MAGI2: variants seen among roughly 807,000 people sequenced by gnomAD.
MAGI2 encodes the protein membrane associated guanylate kinase, WW and PDZ domain containing 2.
In MAGI2, 35 loss-of-function variants were observed where a neutral mutation model predicts 133.3. The ratio of observed to expected loss-of-function variants is 0.26; its 90% CI spans 0.20 to 0.35. MAGI2 has a LOEUF of 0.35. Among genes scored for constraint, MAGI2 ranks in the 10% least tolerant of loss-of-function variants. The pLI is 1.00. For synonymous variants in MAGI2, 729 were observed against 710.6 expected, an observed-to-expected ratio of 1.03 and a Z score of -0.41; for missense variants, 1,636 against 1,863.4, an observed-to-expected ratio of 0.88 and a Z score of 2.25.
intron 21 of MAGI2, among the ~76,000 whole-genome samples, chr7:78,054,060 C>T (rs1051094131): frequency 5.3e-5 from 8 of 152,056 alleles, no homozygotes; most frequent in Non-Finnish European, 8.8e-5. Context: ...GAAACCAGGC[C>T]TTTCAGTTAG....
At chr7:79,423,644 C>T (rs1464533660) in intron 1 of MAGI2, among the ~76,000 whole-genome samples, 1 of 151,916 alleles carries the variant, frequency 6.6e-6, no homozygotes, top group African/African-American at 2.4e-5. Context: ...GCAGGTTATG[C>T]CATTTCTTTC....
At chr7:79,429,673 TAG>T (rs1847642607) in intron 1 of MAGI2, among the ~76,000 whole-genome samples, 1 of 152,142 alleles carries the variant, frequency 6.6e-6, no homozygotes, top group Non-Finnish European at 1.5e-5. Flanking sequence ...CTACTTTCAA[TAG>T]AGTTTTGTGT....
At chr7:78,076,942 A>G (rs1815394157) in intron 21 of MAGI2, among the ~76,000 whole-genome samples, 1 of 139,950 alleles carries the variant, frequency 7.1e-6, no homozygotes. Flanking sequence ...ACATGTTTTT[A>G]TTTCTTCTTC....
intron 2 of MAGI2, among the ~76,000 whole-genome samples, chr7:78,754,795 T>G (rs2151286369): frequency 6.6e-6 from 1 of 152,322 alleles, no homozygotes; most frequent in African/African-American, 2.4e-5. Context: ...CCACTTCTGT[T>G]GACTAAGTCA....
rs767332496 is a variant in MAGI2, at chr7:79,399,095, C to CTTTTTTTTTTTTTTTTTTTTTTTTTT, written c.301+53924_301+53925insAAAAAAAAAAAAAAAAAAAAAAAAAA. The stretch of plus-strand genomic sequence containing the variant: ...GTATTATTTCTTTTTTTTTTCTTTT[C>CTTTTTTTTTTTTTTTTTTTTTTTTTT]TTTTTTTTTTTTTTTGGGAGATGGA... On this transcript the variant is annotated intron_variant, in intron 1 of 21. Transcript: ENST00000354212. 2.0e-3 allele frequency among the ~76,000 whole-genome samples: 210 copies of CTTTTTTTTTTTTTTTTTTTTTTTTTT among 106,164 alleles called. 10 individuals carry two copies. Among genetic ancestry groups the CTTTTTTTTTTTTTTTTTTTTTTTTTT allele is most frequent in the South Asian group, 7.9e-3 (22 of 2,798 alleles). The allele number at this position is 106,164 out of a possible 152,430, so 69.6% of individuals were successfully genotyped here.
chr7:78,721,356 G>A (rs753518622), intron 2 of MAGI2, among the ~76,000 whole-genome samples: 3 of 151,922 alleles, frequency 2.0e-5, no homozygotes, highest in Non-Finnish European at 2.9e-5. Flanking sequence ...GAGTGACTAA[G>A]GTAGCATAAG....
intron 6 of MAGI2, among the ~76,000 whole-genome samples, chr7:78,397,907 T>C (rs575266479): frequency 3.9e-5 from 6 of 152,302 alleles, no homozygotes; most frequent in African/African-American, 1.4e-4. Context: ...TTATTTCTAA[T>C]TTATAGAGTA....
At chr7:78,608,877 T>A (rs1806121475) in intron 3 of MAGI2, among the ~76,000 whole-genome samples, 1 of 152,202 alleles carries the variant, frequency 6.6e-6, no homozygotes, top group Non-Finnish European at 1.5e-5. Flanking sequence ...GGGGCAGAAC[T>A]AATAGAATGT....
chr7:78,257,790 T>G (rs943862542), intron 9 of MAGI2, among the ~76,000 whole-genome samples: 5 of 152,144 alleles, frequency 3.3e-5, no homozygotes, highest in Admixed American at 3.3e-4. Flanking sequence ...ATATTAGGGA[T>G]GAAGAGACAT....
intron 1 of MAGI2, among the ~76,000 whole-genome samples, chr7:79,206,166 G>A (rs2129552285): frequency 6.7e-6 from 1 of 148,566 alleles, no homozygotes; most frequent in African/African-American, 2.5e-5. Flanking sequence ...TGCATCATAA[G>A]AAACTAGAGA....
chr7:78,325,620 T>C (rs1470692863), intron 9 of MAGI2, among the ~76,000 whole-genome samples: 1 of 152,198 alleles, frequency 6.6e-6, no homozygotes, highest in African/African-American at 2.4e-5. Context: ...TCATGGTTGT[T>C]AGAGCTGACA....
chr7:78,687,263 A>G lies in MAGI2; in HGVS notation c.419-60024T>C, dbSNP rs573015670. The stretch of plus-strand genomic sequence containing the variant: ...ATACGATCAGGAGTATATAAACGCT[A>G]TATACCACATGACTCACCCCTCCTT... On this transcript the variant is annotated intron_variant, in intron 2 of 21. Coordinates refer to ENST00000354212, the MANE Select transcript of MAGI2 (RefSeq NM_012301.4). 3.3e-5 allele frequency among the ~76,000 whole-genome samples: 5 copies of G among 152,266 alleles called. No homozygotes were observed. The South Asian group carries it at 1.0e-3, about 32-fold the overall frequency.
chr7:78,106,525 G>A (rs911522744), intron 20 of MAGI2, among the ~76,000 whole-genome samples: 1 of 151,962 alleles, frequency 6.6e-6, no homozygotes. Flanking sequence ...ATTTGTTACT[G>A]CCTATCTTTT....
chr7:79,304,502 A>G (rs1837636749), intron 1 of MAGI2, among the ~76,000 whole-genome samples: 1 of 152,098 alleles, frequency 6.6e-6, no homozygotes, highest in African/African-American at 2.4e-5. Flanking sequence ...TATTCTTGGA[A>G]AAGCTCCGAT....
chr7:78,568,677 A>C (rs1302282915), intron 3 of MAGI2, among the ~76,000 whole-genome samples: 1 of 152,168 alleles, frequency 6.6e-6, no homozygotes, highest in Non-Finnish European at 1.5e-5. Context: ...CTCTGCTTCC[A>C]CTATCGTCCC....
intron 2 of MAGI2, among the ~76,000 whole-genome samples, chr7:78,666,519 C>A (rs1366975521): frequency 2.6e-5 from 4 of 152,080 alleles, no homozygotes; most frequent in African/African-American, 9.7e-5. Flanking sequence ...GGACCCAAGT[C>A]AAAATCTAGC....
intron 1 of MAGI2, among the ~76,000 whole-genome samples, chr7:79,297,707 T>C (rs1837049084): frequency 6.6e-6 from 1 of 152,202 alleles, no homozygotes; most frequent in South Asian, 2.1e-4. Context: ...ATATTATTGA[T>C]AGAGAATAAC....
At chr7:78,751,380 T>C (rs527462764) in intron 2 of MAGI2, among the ~76,000 whole-genome samples, 2 of 152,344 alleles carry the variant, frequency 1.3e-5, no homozygotes, top group African/African-American at 4.8e-5. Flanking sequence ...AACACGTTCT[T>C]GTAATTGTAT....
At chr7:78,296,023 C>T (rs1049353919) in intron 9 of MAGI2, among the ~76,000 whole-genome samples, 26 of 152,154 alleles carry the variant, frequency 1.7e-4, no homozygotes, top group Non-Finnish European at 2.1e-4. Context: ...TTTGCCATTG[C>T]TATTACCCTA....
Sources: gnomAD v4.1 joint callset for allele counts (sites outside exome capture counted in the v4.1 genomes callset) on GRCh38, gnomAD v4.1.1 for gene constraint, MANE v1.5 for transcripts, NCBI Gene and HGNC (gene_info 2026-07-23, HGNC 2026-07-21) for gene names.